ARHGAP6: variants seen among roughly 807,000 people sequenced by gnomAD.
ARHGAP6 encodes the protein rho GTPase-activating protein 6.
A neutral mutation model predicts 55.7 loss-of-function variants in ARHGAP6; 16 were observed. The ratio of observed to expected loss-of-function variants is 0.29; its 90% CI spans 0.19 to 0.44. The LOEUF is 0.44. Ranked by LOEUF, ARHGAP6 falls within the 20% of genes least tolerant of loss-of-function variation. The probability of loss-of-function intolerance (pLI) is 1.00; values close to 1 mark genes in which losing one functional copy is unlikely to be tolerated. For missense variants in ARHGAP6, 698 were observed against 808.9 expected (o/e 0.86, Z 1.66); for synonymous variants, 382 against 360.9 (o/e 1.06, Z -0.66).
intron 2 of ARHGAP6, among the ~76,000 whole-genome samples, chrX:11,209,675 A>C (rs2046761154): frequency 8.9e-6 from 1 of 112,439 alleles, no homozygotes; most frequent in Non-Finnish European, 1.9e-5. Context: ...AAGCAAGTAC[A>C]AAAGAAAAAT....
chrX:11,349,043 GTTT>G (rs755689676), intron 1 of ARHGAP6, among the ~76,000 whole-genome samples: 1 of 92,672 alleles, frequency 1.1e-5, no homozygotes, highest in African/African-American at 3.9e-5. Context: ...TGTTATTCCT[GTTT>G]TTTTTTTTTT....
At chrX:11,643,027 T>C (rs5933909) in intron 1 of ARHGAP6, among the ~76,000 whole-genome samples, 42,399 of 109,974 alleles carry the variant, frequency 0.39, 6,282 homozygotes, top group African/African-American at 0.53. Flanking sequence ...TCAGAAGGCA[T>C]TGAGGAAGAA....
intron 1 of ARHGAP6, among the ~76,000 whole-genome samples, chrX:11,434,216 G>A (rs1217653369): frequency 8.9e-6 from 1 of 112,155 alleles, no homozygotes; most frequent in African/African-American, 3.2e-5. Context: ...CCAAGGCGGA[G>A]AAATCTTTCA....
intron 2 of ARHGAP6, among the ~76,000 whole-genome samples, chrX:11,231,118 G>A (rs923279621): frequency 2.2e-4 from 25 of 111,912 alleles, no homozygotes; most frequent in African/African-American, 7.8e-4. Context: ...GAAACAAGTC[G>A]CACTAAAACA....
chrX:11,344,710 G>GA (rs113727996), intron 1 of ARHGAP6, among the ~76,000 whole-genome samples: 81 of 78,038 alleles, frequency 1.0e-3, no homozygotes, highest in Middle Eastern at 6.9e-3. Context: ...AAAAAGAAAA[G>GA]AAAGAAAAGA....
At chrX:11,479,197 G>T (rs941310043) in intron 1 of ARHGAP6, among the ~76,000 whole-genome samples, 1 of 112,077 alleles carries the variant, frequency 8.9e-6, no homozygotes, top group Admixed American at 9.5e-5. Flanking sequence ...CTGTGTCTTG[G>T]AAGGTTTCTC....
chrX:11,463,635 C>T (rs975202120), intron 1 of ARHGAP6, among the ~76,000 whole-genome samples: 7 of 112,001 alleles, frequency 6.2e-5, no homozygotes, highest in Non-Finnish European at 1.1e-4. Context: ...GCCACTGAAC[C>T]CAGCCTGTAA....
At chrX:11,645,337 C>T (rs906572110) in intron 1 of ARHGAP6, among the ~76,000 whole-genome samples, 5 of 110,847 alleles carry the variant, frequency 4.5e-5, no homozygotes, top group Non-Finnish European at 9.5e-5. Flanking sequence ...TTTGCTATCC[C>T]TTATATTAAT....
At chrX:11,562,795 C>T (rs1601647367) in intron 1 of ARHGAP6, among the ~76,000 whole-genome samples, 1 of 112,177 alleles carries the variant, frequency 8.9e-6, no homozygotes, top group Middle Eastern at 4.6e-3. Context: ...CGCAATGTCA[C>T]TCAAGGTTCA....
At chrX:11,449,854 G>C (rs1280164680) in intron 1 of ARHGAP6, among the ~76,000 whole-genome samples, 2 of 111,908 alleles carry the variant, frequency 1.8e-5, no homozygotes, top group East Asian at 5.6e-4. Flanking sequence ...AACATACGTG[G>C]ACTGACATGT....
chrX:11,576,412 T>C (rs2051599485), intron 1 of ARHGAP6, among the ~76,000 whole-genome samples: 1 of 112,014 alleles, frequency 8.9e-6, no homozygotes, highest in Non-Finnish European at 1.9e-5. Flanking sequence ...AAGTGCTCAA[T>C]AGTACAAGAC....
intron 1 of ARHGAP6, among the ~76,000 whole-genome samples, chrX:11,389,116 C>T (rs1466421697): frequency 2.7e-5 from 3 of 111,480 alleles, no homozygotes; most frequent in Non-Finnish European, 5.6e-5. Context: ...TTGGAATCTA[C>T]CGGGGATCGA....
At chrX:11,448,219 CCTTA>C (rs928689086) in intron 1 of ARHGAP6, among the ~76,000 whole-genome samples, 5 of 112,348 alleles carry the variant, frequency 4.5e-5, no homozygotes, top group African/African-American at 1.6e-4. Context: ...AATCCTTCCT[CCTTA>C]CTTGATTTTC....
intron 9 of ARHGAP6, among the ~76,000 whole-genome samples, chrX:11,163,500 C>T (rs1302794058): frequency 8.9e-6 from 1 of 112,205 alleles, no homozygotes; most frequent in East Asian, 2.8e-4. Context: ...CACACCAATC[C>T]ACCACTTTGC....
At chrX:11,308,933 T>A (rs1157941987) in intron 1 of ARHGAP6, among the ~76,000 whole-genome samples, 2 of 112,157 alleles carry the variant, frequency 1.8e-5, no homozygotes, top group South Asian at 3.8e-4. Flanking sequence ...CAATGGTATG[T>A]AATATTCCAA....
intron 1 of ARHGAP6, among the ~76,000 whole-genome samples, chrX:11,506,157 G>A (rs190741593): frequency 8.1e-4 from 90 of 111,608 alleles, no homozygotes; most frequent in African/African-American, 2.8e-3. Context: ...AGTCAGAAGC[G>A]TTTGCTTCTT....
intron 1 of ARHGAP6, among the ~76,000 whole-genome samples, chrX:11,446,631 A>T (rs2050094823): frequency 8.9e-6 from 1 of 111,796 alleles, no homozygotes; most frequent in South Asian, 3.8e-4. Context: ...CCAAAGAATG[A>T]CTGATGAAAA....
chrX:11,487,604 T>G (rs914857203), intron 1 of ARHGAP6, among the ~76,000 whole-genome samples: 2 of 112,302 alleles, frequency 1.8e-5, no homozygotes, highest in African/African-American at 3.2e-5. Flanking sequence ...TTAGACATAT[T>G]TTACTAAAAC....
chrX:11,535,718 T>C (rs1475980510), intron 1 of ARHGAP6, among the ~76,000 whole-genome samples: 1 of 105,614 alleles, frequency 9.5e-6, no homozygotes, highest in Non-Finnish European at 1.9e-5. Flanking sequence ...CAGTCTCTCA[T>C]TAACAGTGGC....
Sources: allele counts gnomAD v4.1 joint callset (sites outside exome capture counted in the v4.1 genomes callset), GRCh38; gene constraint gnomAD v4.1.1; transcripts MANE v1.5; gene names NCBI Gene and HGNC (gene_info 2026-07-23, HGNC 2026-07-21).